The following FRMD4A variants were observed in gnomAD, a reference collection of about 807,000 sequenced individuals.
The protein encoded by FRMD4A is FERM domain containing 4A.
In FRMD4A, 29 loss-of-function variants were observed where a neutral mutation model predicts 129.1. That is an observed-to-expected ratio of 0.22 (90% confidence interval 0.17 to 0.31). The LOEUF is 0.31. FRMD4A is among the 10% of genes least tolerant of loss of function. The probability of loss-of-function intolerance (pLI) is 1.00; values close to 1 mark genes in which losing one functional copy is unlikely to be tolerated. For missense variants in FRMD4A, 1,272 were observed against 1,375.8 expected (o/e 0.92, Z 1.19); for synonymous variants, 634 against 571.6 (o/e 1.11, Z -1.56).
chr10:13,814,693 A>G (rs981815546), intron 3 of FRMD4A, among the ~76,000 whole-genome samples: 5 of 151,744 alleles, frequency 3.3e-5, no homozygotes, highest in Non-Finnish European at 7.4e-5. Flanking sequence ...GAGAGAGAGA[A>G]AAAAAAGAGA....
intron 16 of FRMD4A, among the ~76,000 whole-genome samples, chr10:13,673,034 T>C (rs554340970): frequency 2.0e-5 from 3 of 152,322 alleles, no homozygotes; most frequent in African/African-American, 4.8e-5. Flanking sequence ...TTATAATGCA[T>C]GCTCATCTTG....
intron 2 of FRMD4A, among the ~76,000 whole-genome samples, chr10:13,993,999 A>C (rs965990001): frequency 1.1e-4 from 17 of 148,086 alleles, no homozygotes; most frequent in Non-Finnish European, 4.5e-5. Flanking sequence ...GTAGATATTT[A>C]GGGTGGGACA....
rs555639140 is a variant in FRMD4A, at chr10:14,260,680, G to A, written c.45+69378C>T. Among the ~76,000 whole-genome samples, 13 of 152,254 alleles carry A rather than the reference G, an allele frequency of 8.5e-5. No homozygotes were observed. In the East Asian group the frequency reaches 9.6e-4, roughly 11 times the overall value. On this transcript the variant is annotated intron_variant, in intron 2 of 24. Coordinates refer to ENST00000357447, the MANE Select transcript of FRMD4A (RefSeq NM_018027.5). ...TCCTGGCTATCTCCCATCAGTAGACGAAAATATTCACAACCACACAGCCAG... is the reference window on the plus strand; with the variant it reads ...TCCTGGCTATCTCCCATCAGTAGACAAAAATATTCACAACCACACAGCCAG...
intron 2 of FRMD4A, among the ~76,000 whole-genome samples, chr10:14,109,211 GA>G (rs34937254): frequency 0.29 from 33,537 of 114,138 alleles, 3,823 homozygotes; most frequent in East Asian, 0.34. Flanking sequence ...AAGCATCTCA[GA>G]AAAAAAAAAA....
chr10:13,777,791 A>ATTTTTTT (rs34059772), intron 6 of FRMD4A, among the ~76,000 whole-genome samples: 4 of 85,980 alleles, frequency 4.7e-5, no homozygotes, highest in Non-Finnish European at 6.4e-5. Flanking sequence ...CTTTGGGTCA[A>ATTTTTTT]TTTTTTTTTT....
rs540097250 is a variant in FRMD4A at position 14,122,068 on chromosome 10, T to C, written c.45+207990A>G. 2.6e-5 allele frequency among the ~76,000 whole-genome samples: 4 copies of C among 152,368 alleles called. No homozygotes were observed. In the East Asian group the frequency reaches 7.7e-4, roughly 29 times the overall value. ...GTAGATGTTAGAGAGACTTAGGTTC[T>C]AACTTTAGCTCATCCCCTAACAACG... On this transcript the variant is annotated intron_variant, in intron 2 of 24. Transcript: ENST00000357447.
At chr10:13,737,988 A>G in intron 11 of FRMD4A, 58 bp from the exon 12 acceptor site, 1 of 949,380 alleles carries the variant, frequency 1.1e-6, no homozygotes. Context: ...AACACACGCA[A>G]AGTGGAGATT....
intron 9 of FRMD4A, among the ~76,000 whole-genome samples, chr10:13,742,247 G>A (rs1315868682): frequency 6.6e-6 from 1 of 152,208 alleles, no homozygotes; most frequent in African/African-American, 2.4e-5. Flanking sequence ...GTGCCCATGA[G>A]GTAGGAGATA....
At chr10:13,965,313 G>A (rs1328478174) in intron 2 of FRMD4A, among the ~76,000 whole-genome samples, 1 of 152,114 alleles carries the variant, frequency 6.6e-6, no homozygotes, top group Non-Finnish European at 1.5e-5. Context: ...GGCTGTGAAG[G>A]TATGTGGCTA....
At chr10:14,201,166 A>T (rs11818737) in intron 2 of FRMD4A, among the ~76,000 whole-genome samples, 2,961 of 152,292 alleles carry the variant, frequency 0.019, 97 homozygotes, top group African/African-American at 0.068. Flanking sequence ...TCTGAGTTGC[A>T]GCTCACGGGG....
intron 2 of FRMD4A, among the ~76,000 whole-genome samples, chr10:14,028,168 A>G (rs530250186): frequency 1.3e-5 from 2 of 152,334 alleles, no homozygotes; most frequent in Admixed American, 6.5e-5. Flanking sequence ...TTTTATTAAT[A>G]CTTATATCAA....
intron 3 of FRMD4A, among the ~76,000 whole-genome samples, chr10:13,835,526 T>C (rs1414617309): frequency 6.6e-6 from 1 of 152,150 alleles, no homozygotes; most frequent in East Asian, 1.9e-4. Context: ...CCATCGCGCA[T>C]TATTGCCTGA....
chr10:13,916,935 G>A (rs2095014862), intron 2 of FRMD4A, among the ~76,000 whole-genome samples: 1 of 152,148 alleles, frequency 6.6e-6, no homozygotes. Flanking sequence ...CATTTAAAAC[G>A]AAAGCTTTGT....
At chr10:14,025,457 G>A (rs996965682) in intron 2 of FRMD4A, among the ~76,000 whole-genome samples, 1 of 152,134 alleles carries the variant, frequency 6.6e-6, no homozygotes, top group African/African-American at 2.4e-5. Flanking sequence ...AGATAGACTT[G>A]TTTATTTCAT....
At chr10:14,314,355 A>G (rs1383556726) in intron 2 of FRMD4A, among the ~76,000 whole-genome samples, 1 of 152,190 alleles carries the variant, frequency 6.6e-6, no homozygotes, top group Non-Finnish European at 1.5e-5. Flanking sequence ...CCCTAGCTGT[A>G]AGGAAGGCAA....
intron 2 of FRMD4A, among the ~76,000 whole-genome samples, chr10:14,210,752 G>A (rs1479146052): frequency 6.6e-6 from 1 of 152,122 alleles, no homozygotes; most frequent in African/African-American, 2.4e-5. Flanking sequence ...TTTTGAGATG[G>A]AGTCTTGCTC....
At chr10:13,936,812 CAG>C (rs1487416598) in intron 2 of FRMD4A, among the ~76,000 whole-genome samples, 1 of 152,178 alleles carries the variant, frequency 6.6e-6, no homozygotes, top group Non-Finnish European at 1.5e-5. Context: ...CTTTGTGTCT[CAG>C]AGATTTAAGA....
At chr10:14,161,968 TA>T (rs1183046454) in intron 2 of FRMD4A, among the ~76,000 whole-genome samples, 1 of 151,652 alleles carries the variant, frequency 6.6e-6, no homozygotes, top group Non-Finnish European at 1.5e-5. Flanking sequence ...AAGGAATAGT[TA>T]AAAGTGATTC....
rs747007921 is a variant in FRMD4A at position 13,694,020 on chromosome 10, C to T, written c.995G>A (p.Arg332His). The T allele has an allele frequency of 2.6e-6, 4 of 1,515,338 alleles. No homozygotes were observed. The highest frequency in any genetic ancestry group is 2.8e-5 in the African/African-American group (2 of 71,474). 93.9% of individuals were successfully genotyped at this position (1,515,338 alleles called of 1,614,324 possible). A position where few individuals can be genotyped will look rare whatever the true frequency, so the allele number is the denominator to read the frequency against. Residue 332 changes from arginine to histidine, a missense_variant, in exon 15 of 25, where the codon CGC becomes CAC. This residue lies in a region of FRMD4A where 300 missense variants were observed against 483.6 expected (regional missense o/e 0.62). Coordinates refer to ENST00000357447, the MANE Select transcript of FRMD4A (RefSeq NM_018027.5). ...KQSKSKIHAARSLSEIAIDLT... is the reference protein window; with the variant it reads ...KQSKSKIHAAHSLSEIAIDLT... The stretch of plus-strand genomic sequence containing the variant: ...GTCGATGGCGATCTCACTCAGGCTG[C>T]GTGCTGCATGGATTTTGGACTGGAA...
Sources: gnomAD v4.1 joint callset for allele counts (sites outside exome capture counted in the v4.1 genomes callset) on GRCh38, gnomAD v4.1.1 for gene constraint, gnomAD v4.1.1 regional missense constraint, MANE v1.5 for transcripts, NCBI Gene and HGNC (gene_info 2026-07-23, HGNC 2026-07-21) for gene names.